Variants in MACROD2 observed in about 807,000 individuals in gnomAD.
MACROD2 encodes the protein mono-ADP ribosylhydrolase 2.
MACROD2 carries 36 observed loss-of-function variants against 70.4 expected under a neutral mutation model. That is an observed-to-expected ratio of 0.51 (90% CI 0.39 to 0.68). MACROD2 has a LOEUF of 0.68. MACROD2 is among the 30% of genes least tolerant of loss of function. The probability of loss-of-function intolerance (pLI) is 0.00; values close to 1 mark genes in which losing one functional copy is unlikely to be tolerated. For synonymous variants in MACROD2, 172 were observed against 178.8 expected (o/e 0.96, Z 0.30); for missense variants, 496 against 538.4 (o/e 0.92, Z 0.78).
intron 8 of MACROD2, among the ~76,000 whole-genome samples, chr20:15,652,018 G>C (rs2049652708): frequency 1.3e-5 from 2 of 152,106 alleles, no homozygotes; most frequent in East Asian, 3.9e-4. Flanking sequence ...TTATTGCGTG[G>C]CCATGGGAGG....
chr20:15,830,262 G>T (rs888072639), intron 8 of MACROD2, among the ~76,000 whole-genome samples: 10 of 152,166 alleles, frequency 6.6e-5, no homozygotes, highest in African/African-American at 2.2e-4. Context: ...GCAAGAAGAG[G>T]CATCCACAGC....
chr20:15,199,606 A>ATT, intron 5 of MACROD2, among the ~76,000 whole-genome samples: 1 of 152,164 alleles, frequency 6.6e-6, no homozygotes, highest in South Asian at 2.1e-4. Flanking sequence ...TATAATTAAC[A>ATT]TTTTTTCAAG....
intron 5 of MACROD2, among the ~76,000 whole-genome samples, chr20:14,811,386 T>C (rs1280224680): frequency 6.6e-6 from 1 of 152,124 alleles, no homozygotes; most frequent in Non-Finnish European, 1.5e-5. Flanking sequence ...GCTAGCTGTA[T>C]GCAGAAAACT....
chr20:14,413,803 C>CT (rs1018837658), intron 3 of MACROD2, among the ~76,000 whole-genome samples: 7 of 150,458 alleles, frequency 4.7e-5, no homozygotes, highest in South Asian at 2.1e-4. Flanking sequence ...TTTTTTCCTG[C>CT]TTTTTTTTTC....
intron 5 of MACROD2, among the ~76,000 whole-genome samples, chr20:15,132,488 A>G (rs1194161287): frequency 6.6e-6 from 1 of 152,008 alleles, no homozygotes; most frequent in Non-Finnish European, 1.5e-5. Flanking sequence ...ACCTTAGGCC[A>G]TACACGGAAA....
chr20:15,748,358 TCCTTCCTTCCTC>T (rs965833061), intron 8 of MACROD2, among the ~76,000 whole-genome samples: 1 of 148,922 alleles, frequency 6.7e-6, no homozygotes, highest in Admixed American at 6.8e-5. Context: ...TTTCCTTCCT[TCCTTCCTTCCTC>T]CCTTCCTTCT....
chr20:15,687,484 A>G (rs147349605), intron 8 of MACROD2, among the ~76,000 whole-genome samples: 19 of 149,978 alleles, frequency 1.3e-4, no homozygotes, highest in African/African-American at 4.8e-4. Context: ...TTGACTTTCT[A>G]TTCTGACATT....
At chr20:15,064,752 C>A (rs2075560403) in intron 5 of MACROD2, among the ~76,000 whole-genome samples, 1 of 152,324 alleles carries the variant, frequency 6.6e-6, no homozygotes, top group Non-Finnish European at 1.5e-5. Context: ...CACAAGATCC[C>A]AAGCCTTATA....
At chr20:14,205,428 C>G (rs1280829317) in intron 3 of MACROD2, among the ~76,000 whole-genome samples, 2 of 152,166 alleles carry the variant, frequency 1.3e-5, no homozygotes, top group African/African-American at 4.8e-5. Flanking sequence ...CGGTTGCCCC[C>G]CTTCACAGTT....
chr20:14,149,285 G>A (rs1185961368), intron 3 of MACROD2, among the ~76,000 whole-genome samples: 2 of 151,818 alleles, frequency 1.3e-5, no homozygotes, highest in African/African-American at 4.8e-5. Context: ...ATTCGCTTAG[G>A]ATAATGGTTT....
At chr20:15,491,455 G>A (rs2047231068) in intron 7 of MACROD2, among the ~76,000 whole-genome samples, 1 of 152,174 alleles carries the variant, frequency 6.6e-6, no homozygotes, top group East Asian at 1.9e-4. Context: ...TTAAAGGCAG[G>A]GGTTTGTGTG....
chr20:14,731,372 C>G (rs2071595207), intron 5 of MACROD2, among the ~76,000 whole-genome samples: 1 of 152,120 alleles, frequency 6.6e-6, no homozygotes, highest in Admixed American at 6.6e-5. Flanking sequence ...ACCGAATCTA[C>G]TTTTCTAAAC....
chr20:15,144,775 T>C (rs2076218449), intron 5 of MACROD2, among the ~76,000 whole-genome samples: 5 of 152,192 alleles, frequency 3.3e-5, no homozygotes, highest in Admixed American at 2.6e-4. Flanking sequence ...CTGAACCAAA[T>C]GGACACCCCT....
chr20:14,313,022 A>T (rs2082580490), intron 3 of MACROD2, among the ~76,000 whole-genome samples: 1 of 152,238 alleles, frequency 6.6e-6, no homozygotes, highest in African/African-American at 2.4e-5. Flanking sequence ...CTACATTTAA[A>T]AATGTCTACA....
chr20:14,608,283 A>C (rs930830290), intron 4 of MACROD2, among the ~76,000 whole-genome samples: 1 of 152,112 alleles, frequency 6.6e-6, no homozygotes, highest in African/African-American at 2.4e-5. Context: ...AATAAAGTTA[A>C]CAGGAAAACA....
chr20:15,781,099 C>G (rs2051823492), intron 8 of MACROD2, among the ~76,000 whole-genome samples: 1 of 152,076 alleles, frequency 6.6e-6, no homozygotes, highest in Admixed American at 6.6e-5. Context: ...GTTCTAAACA[C>G]TGTACATGCC....
At chr20:14,584,004 C>T (rs6135191) in intron 4 of MACROD2, among the ~76,000 whole-genome samples, 16,034 of 152,112 alleles carry the variant, frequency 0.11, 1,247 homozygotes, top group South Asian at 0.33. Context: ...TCCTCCTTCC[C>T]CTCTCTAGCA....
intron 8 of MACROD2, among the ~76,000 whole-genome samples, chr20:15,826,607 A>C (rs1294572840): frequency 6.6e-6 from 1 of 152,220 alleles, no homozygotes; most frequent in Non-Finnish European, 1.5e-5. Flanking sequence ...TGTTTTTTAC[A>C]AAAAGCTTAA....
chr20:15,233,496 T>G (rs2076977286), intron 6 of MACROD2, among the ~76,000 whole-genome samples: 1 of 152,064 alleles, frequency 6.6e-6, no homozygotes, highest in Admixed American at 6.5e-5. Context: ...ACATAATTAT[T>G]TAGAAATAAG....
Sources: allele counts gnomAD v4.1 joint callset (sites outside exome capture counted in the v4.1 genomes callset), GRCh38; gene constraint gnomAD v4.1.1; transcripts MANE v1.5; gene names NCBI Gene and HGNC (gene_info 2026-07-23, HGNC 2026-07-21).